Variants in PLEKHA5 observed in about 807,000 individuals in gnomAD.
PLEKHA5 encodes pleckstrin homology domain-containing family A member 5.
Under a neutral mutation model 181.9 loss-of-function variants are expected in PLEKHA5, and 55 were observed. The observed-to-expected ratio is 0.30, with a 90% confidence interval of 0.24 to 0.38. The LOEUF (loss-of-function observed/expected upper bound fraction) is 0.38. Among genes scored for constraint, PLEKHA5 ranks in the 10% least tolerant of loss-of-function variants. PLEKHA5 has a pLI of 1.00. For synonymous variants in PLEKHA5, 535 were observed against 529.4 expected, an observed-to-expected ratio of 1.01 and a Z score of -0.15; for missense variants, 1,432 against 1,549.5, an observed-to-expected ratio of 0.92 and a Z score of 1.27.
rs71539465 is a variant in PLEKHA5 at position 19,322,667 on chromosome 12, C to A, written c.2448C>A (p.Ala816=). The A allele has an allele frequency of 1.3e-6, 2 of 1,598,410 alleles. No individual in the cohort carries two copies. Residue 816 remains alanine (A), a splice_region_variant and synonymous_variant, in exon 20 of 32, where the codon GCC becomes GCA. Coordinates refer to ENST00000429027, the MANE Select transcript of PLEKHA5 (RefSeq NM_001256470.2). ...GTCGAGAACTTTCTCGAGCCACTGC[C>A]GTAAGTAGATTTTTTTTTTCCCCTA... ...STCRELSRAT[A]ELERAWREYD... is the part of the protein sequence containing the mutation.
intron 9 of PLEKHA5, 30 bp from the exon 10 acceptor site, chr12:19,270,158 A>G: frequency 7.2e-7 from 1 of 1,389,848 alleles, no homozygotes; most frequent in East Asian, 2.6e-5. Flanking sequence ...GAATCCTAAC[A>G]TTCAAACTGA....
At chr12:19,319,972 AT>A in intron 16 of PLEKHA5, 48 bp from the exon 17 acceptor site, 1 of 1,243,562 alleles carries the variant, frequency 8.0e-7, no homozygotes, top group Non-Finnish European at 1.1e-6. Context: ...ATTTCGAATG[AT>A]TTTCCTCTTT....
At position 19,130,043 on chromosome 12, in the gene PLEKHA5, C is replaced by T; in HGVS notation, c.90-8C>T. 2 of 1,580,868 alleles carry T rather than the reference C, an allele frequency of 1.3e-6. No individual in the cohort carries two copies. Among genetic ancestry groups the T allele is most frequent in the Non-Finnish European group, 1.7e-6 (2 of 1,164,228 alleles). ...GCTCCGTGTCTGCCCCTTCTCTCAC[C>T]CCTGCAGCGAGGAGGCCAAGAGCAC... On this transcript the variant is annotated splice_region_variant and splice_polypyrimidine_tract_variant and intron_variant, in intron 1 of 31. Coordinates refer to ENST00000429027, the MANE Select transcript of PLEKHA5 (RefSeq NM_001256470.2). This position sits in a 1 kb window ranked among gnomAD's most constrained non-coding sequence, Gnocchi z 4.5.
intron 10 of PLEKHA5, 46 bp from the exon 11 acceptor site, chr12:19,274,470 T>C (rs1160285897): frequency 3.1e-6 from 4 of 1,288,184 alleles, no homozygotes; most frequent in African/African-American, 1.5e-5. Context: ...AAGTAATATG[T>C]ACATTATTTC....
At chr12:19,336,268 T>C (rs1259529767) in intron 20 of PLEKHA5, among the ~76,000 whole-genome samples, 1 of 152,230 alleles carries the variant, frequency 6.6e-6, no homozygotes, top group Non-Finnish European at 1.5e-5. Context: ...TGAAGACAGA[T>C]AAGAAAATGC....
intron 3 of PLEKHA5, among the ~76,000 whole-genome samples, chr12:19,250,570 T>C (rs977683442): frequency 3.3e-5 from 5 of 151,782 alleles, no homozygotes; most frequent in Admixed American, 6.6e-5. Flanking sequence ...GCAACAAGAG[T>C]GAAACTCCGT....
intron 8 of PLEKHA5, among the ~76,000 whole-genome samples, chr12:19,266,766 A>G (rs2070590552): frequency 6.6e-6 from 1 of 152,204 alleles, no homozygotes. Context: ...CCTAGGTGAC[A>G]GAGTGAGACT....
At chr12:19,241,175 A>G (rs968833060) in intron 3 of PLEKHA5, among the ~76,000 whole-genome samples, 1 of 152,222 alleles carries the variant, frequency 6.6e-6, no homozygotes, top group East Asian at 1.9e-4. Flanking sequence ...CTACTAACAC[A>G]TTCAAGTTCA....
chr12:19,343,214 T>G (rs1172315632), intron 21 of PLEKHA5, 109 bp from the exon 22 acceptor site: 3 of 596,824 alleles, frequency 5.0e-6, no homozygotes, highest in African/African-American at 1.9e-5. Context: ...AACACTTAAT[T>G]CACTGCAATT....
At chr12:19,131,349 A>G (rs544640121) in intron 2 of PLEKHA5, among the ~76,000 whole-genome samples, 37 of 152,330 alleles carry the variant, frequency 2.4e-4, no homozygotes, top group Middle Eastern at 6.8e-3. Flanking sequence ...GGAGGAAGAA[A>G]GGAAAGGCTG....
intron 25 of PLEKHA5, among the ~76,000 whole-genome samples, chr12:19,349,735 A>G (rs1213814087): frequency 6.7e-6 from 1 of 148,552 alleles, no homozygotes; most frequent in Admixed American, 6.7e-5. Context: ...CAACAACCAG[A>G]AACAGAAAAA....
At chr12:19,273,124 G>A (rs1210369790) in intron 10 of PLEKHA5, among the ~76,000 whole-genome samples, 1 of 152,046 alleles carries the variant, frequency 6.6e-6, no homozygotes, top group Admixed American at 6.6e-5. Context: ...GGCCCGGCTG[G>A]TCTCAAACAC....
At chr12:19,202,620 T>C (rs2054445918) in intron 3 of PLEKHA5, among the ~76,000 whole-genome samples, 1 of 152,010 alleles carries the variant, frequency 6.6e-6, no homozygotes, top group African/African-American at 2.4e-5. Flanking sequence ...ACTCAGCCCG[T>C]AGAATGTACA....
At chr12:19,221,502 C>T (rs575755293) in intron 3 of PLEKHA5, among the ~76,000 whole-genome samples, 43 of 152,178 alleles carry the variant, frequency 2.8e-4, no homozygotes, top group Admixed American at 7.2e-4. Flanking sequence ...ATAGGTGAAG[C>T]GCAGGAGAGT....
chr12:19,235,573 C>G (rs1211749009), intron 3 of PLEKHA5, among the ~76,000 whole-genome samples: 1 of 152,068 alleles, frequency 6.6e-6, no homozygotes, highest in African/African-American at 2.4e-5. Context: ...ATGAGTATTA[C>G]ATTATTATGT....
chr12:19,376,041 G>T lies in PLEKHA5; in HGVS notation c.*522G>T, dbSNP rs1176485200. 1 of 151,374 alleles carries T rather than the reference G, an allele frequency of 6.6e-6. No individual in the cohort carries two copies. Among genetic ancestry groups the T allele is most frequent in the African/African-American group, 2.4e-5 (1 of 41,046 alleles). The allele number at this position is 151,374 out of a possible 1,614,324, so 9.4% of individuals were successfully genotyped here. On this transcript the variant is annotated 3_prime_UTR_variant, in exon 32 of 32. Coordinates refer to ENST00000429027, the MANE Select transcript of PLEKHA5 (RefSeq NM_001256470.2). Reference sequence around the variant, plus strand: ...ATGTGCCATTTTATTGCTAAGTGAAGTATGTCCTGTTTTCTGCTATAATTC... The same window carrying T: ...ATGTGCCATTTTATTGCTAAGTGAATTATGTCCTGTTTTCTGCTATAATTC...
Position 19,129,857 on chromosome 12 carries a change from A to G in PLEKHA5, c.58A>G (p.Ile20Val). ...CCTGCCCCGGTCCTGGACTTACGGG[A>G]TCACCAGGGGCGGCCGAGTCTTCTT... ...ISLPRSWTYG[I>V]TRGGRVFFIN... The change falls in exon 1 of 32, where the codon ATC (isoleucine) becomes GTC (valine). Residue 20 changes from isoleucine (I) to valine (V), a missense_variant. Transcript: ENST00000429027. 3.1e-6 allele frequency: 5 copies of G among 1,606,674 alleles called. No individual in the cohort carries two copies. In the East Asian group the frequency reaches 1.1e-4, roughly 36 times the overall value.
At chr12:19,266,206 C>T (rs2070318146) in intron 8 of PLEKHA5, among the ~76,000 whole-genome samples, 1 of 151,894 alleles carries the variant, frequency 6.6e-6, no homozygotes. Flanking sequence ...GGGGTCTGGG[C>T]ACAGTGGCGG....
intron 27 of PLEKHA5, among the ~76,000 whole-genome samples, chr12:19,358,952 T>TA (rs1184701040): frequency 6.6e-6 from 1 of 152,178 alleles, no homozygotes; most frequent in Non-Finnish European, 1.5e-5. Flanking sequence ...TTTGCCCCTC[T>TA]TTATAAATTC....
Sources: gnomAD v4.1 joint callset for allele counts (sites outside exome capture counted in the v4.1 genomes callset) on GRCh38, gnomAD v4.1.1 for gene constraint, Gnocchi (gnomAD v3.1) non-coding constraint, MANE v1.5 for transcripts, NCBI Gene and HGNC (gene_info 2026-07-23, HGNC 2026-07-21) for gene names.